Variants in THSD7B observed in about 807,000 individuals in gnomAD.
The protein encoded by THSD7B is thrombospondin type-1 domain-containing protein 7B.
THSD7B carries 138 observed loss-of-function variants against 213.6 expected under a neutral mutation model. The ratio of observed to expected loss-of-function variants is 0.65; its 90% CI spans 0.56 to 0.74. THSD7B has a LOEUF of 0.74. Among genes scored for constraint, THSD7B ranks in the 30% least tolerant of loss-of-function variants. The probability of loss-of-function intolerance (pLI) is 0.00; values close to 1 mark genes in which losing one functional copy is unlikely to be tolerated. For missense variants in THSD7B, 1,931 were observed against 1,991.5 expected (o/e 0.97, Z 0.58); for synonymous variants, 742 against 687.0 (o/e 1.08, Z -1.25).
chr2:137,630,975 G>A (rs536499781), intron 20 of THSD7B, among the ~76,000 whole-genome samples: 2 of 152,280 alleles, frequency 1.3e-5, no homozygotes, highest in South Asian at 4.1e-4. Flanking sequence ...AGATGTCCCT[G>A]ATGCTTCCCC....
intron 27 of THSD7B, among the ~76,000 whole-genome samples, 160 bp from the exon 28 acceptor site, chr2:137,676,364 T>TG (rs1558880742): frequency 6.6e-6 from 1 of 152,112 alleles, no homozygotes; most frequent in African/African-American, 2.4e-5. Flanking sequence ...AAACAGAGGG[T>TG]GAAAGCATTC....
At chr2:137,516,829 G>A (rs2105160466) in intron 15 of THSD7B, among the ~76,000 whole-genome samples, 1 of 152,330 alleles carries the variant, frequency 6.6e-6, no homozygotes, top group East Asian at 1.9e-4. Flanking sequence ...TAGAAAAATA[G>A]TAAATAAAAA....
chr2:137,000,542 A>G (rs775307115), intron 2 of THSD7B, among the ~76,000 whole-genome samples: 1 of 152,170 alleles, frequency 6.6e-6, no homozygotes, highest in African/African-American at 2.4e-5. Context: ...TAATGCACCC[A>G]TAATTTATTT....
At chr2:137,019,815 T>A (rs1299932752) in intron 2 of THSD7B, among the ~76,000 whole-genome samples, 1 of 152,214 alleles carries the variant, frequency 6.6e-6, no homozygotes, top group Non-Finnish European at 1.5e-5. Context: ...TAAATGACTG[T>A]GCACTCAGTT....
At chr2:136,990,911 A>C (rs1470960808) in intron 2 of THSD7B, 1 of 1,349,842 alleles carries the variant, frequency 7.4e-7, no homozygotes, top group Non-Finnish European at 9.9e-7. Flanking sequence ...ACAGCAGATG[A>C]GGTGGTTTTG....
chr2:136,955,208 TGAGGTGATGTTTA>T (rs1170234496), intron 2 of THSD7B, among the ~76,000 whole-genome samples: 1 of 152,196 alleles, frequency 6.6e-6, no homozygotes, highest in East Asian at 1.9e-4. Context: ...GTGTGCAATT[TGAGGTGATGTTTA>T]GAGAGCTGGA....
intron 2 of THSD7B, among the ~76,000 whole-genome samples, chr2:136,890,419 TTC>T (rs1558840089): frequency 0.091 from 204 of 2,246 alleles, 56 homozygotes; most frequent in South Asian, 0.42. Flanking sequence ...CTTCTTCTTC[TTC>T]TTCTTCTTCT....
At chr2:136,954,714 C>CAAAAAAAAAAAAAAAA (rs11378111) in intron 2 of THSD7B, among the ~76,000 whole-genome samples, 7 of 89,424 alleles carry the variant, frequency 7.8e-5, no homozygotes, top group African/African-American at 3.9e-4. Context: ...GACTCTGTCT[C>CAAAAAAAAAAAAAAAA]AAAAAAAAAA....
At chr2:137,159,348 G>A (rs982863533) in intron 5 of THSD7B, among the ~76,000 whole-genome samples, 5 of 151,820 alleles carry the variant, frequency 3.3e-5, no homozygotes, top group African/African-American at 1.2e-4. Context: ...GAGGTAGGAA[G>A]ATCGATTAAG....
intron 17 of THSD7B, among the ~76,000 whole-genome samples, chr2:137,590,195 A>G (rs753462627): frequency 2.0e-5 from 3 of 152,208 alleles, no homozygotes; most frequent in Non-Finnish European, 4.4e-5. Flanking sequence ...TGTACTATTT[A>G]CCATGGCTAA....
intron 15 of THSD7B, among the ~76,000 whole-genome samples, chr2:137,497,216 C>G (rs201509438): frequency 3.7e-5 from 1 of 26,760 alleles, no homozygotes; most frequent in Non-Finnish European, 1.9e-4. Flanking sequence ...CACACAGACA[C>G]ACACACACAC....
intron 12 of THSD7B, among the ~76,000 whole-genome samples, chr2:137,350,133 T>C (rs1573976308): frequency 6.6e-6 from 1 of 151,998 alleles, no homozygotes; most frequent in Admixed American, 6.6e-5. Flanking sequence ...TGCTTCCTTA[T>C]GGATCTTTTA....
chr2:137,204,773 T>G (rs1441436466), intron 7 of THSD7B, among the ~76,000 whole-genome samples: 1 of 151,854 alleles, frequency 6.6e-6, no homozygotes, highest in African/African-American at 2.4e-5. Context: ...CTGAAAAGTA[T>G]GATTTGCAGT....
chr2:137,676,695 C>T lies in THSD7B; in HGVS notation c.*90C>T, dbSNP rs527915269. On this transcript the variant is annotated 3_prime_UTR_variant, in exon 28 of 28. Coordinates refer to ENST00000409968, the MANE Select transcript of THSD7B (RefSeq NM_001316349.2). Reference sequence around the variant, plus strand: ...GACTTCTCAGTTTTTTGAGGAATCTCAAGATGTGATATATTGGGCAGAATA... The same window carrying T: ...GACTTCTCAGTTTTTTGAGGAATCTTAAGATGTGATATATTGGGCAGAATA... 2.6e-5 allele frequency: 31 copies of T among 1,187,260 alleles called. 1 individual carries two copies. The South Asian group carries it at 4.9e-4, about 19-fold the overall frequency. 73.5% of individuals were successfully genotyped at this position (1,187,260 alleles called of 1,614,324 possible).
intron 7 of THSD7B, among the ~76,000 whole-genome samples, chr2:137,220,087 T>A (rs1334954025): frequency 6.6e-6 from 1 of 152,214 alleles, no homozygotes; most frequent in Non-Finnish European, 1.5e-5. Flanking sequence ...TTTTTTTGTG[T>A]GTGTGCATAG....
chr2:136,880,541 C>G (rs865908994), intron 1 of THSD7B, among the ~76,000 whole-genome samples: 1 of 152,132 alleles, frequency 6.6e-6, no homozygotes, highest in East Asian at 1.9e-4. Flanking sequence ...TTAATCTATT[C>G]TATTCTAAAG....
chr2:136,808,774 C>G (rs1456653453), intron 1 of THSD7B, among the ~76,000 whole-genome samples: 1 of 152,224 alleles, frequency 6.6e-6, no homozygotes, highest in Non-Finnish European at 1.5e-5. Flanking sequence ...CTTCTGGCCA[C>G]AGTTAAAGCT....
At chr2:136,831,263 TAA>T in intron 1 of THSD7B, among the ~76,000 whole-genome samples, 1 of 151,904 alleles carries the variant, frequency 6.6e-6, no homozygotes, top group Non-Finnish European at 1.5e-5. Flanking sequence ...AGTTAAAGAT[TAA>T]AAATAACATA....
intron 3 of THSD7B, among the ~76,000 whole-genome samples, chr2:137,062,624 A>G (rs1687299107): frequency 6.6e-6 from 1 of 151,574 alleles, no homozygotes; most frequent in African/African-American, 2.4e-5. Context: ...GGGGTTCTCT[A>G]TTTTGTTATT....
Sources: allele counts gnomAD v4.1 joint callset (sites outside exome capture counted in the v4.1 genomes callset), GRCh38; gene constraint gnomAD v4.1.1; transcripts MANE v1.5; gene names NCBI Gene and HGNC (gene_info 2026-07-23, HGNC 2026-07-21).